Variants in MPI observed in about 807,000 individuals in gnomAD.
MPI encodes the protein mannose phosphate isomerase, also known as mannose-6-phosphate isomerase.
A neutral mutation model predicts 40.1 loss-of-function variants in MPI; 33 were observed. The observed-to-expected ratio is 0.82, with a 90% CI of 0.62 to 1.10. The LOEUF (loss-of-function observed/expected upper bound fraction) is 1.10. Among genes scored for constraint, MPI ranks in the 50% least tolerant of loss-of-function variants. The pLI, the probability that MPI is intolerant of heterozygous loss-of-function variation, is 0.00. For missense variants in MPI, 514 were observed against 524.1 expected, an observed-to-expected ratio of 0.98 and a Z score of 0.19; for synonymous variants, 187 against 207.4, an observed-to-expected ratio of 0.90 and a Z score of 0.85.
At chr15:74,891,669 C>A (rs1274563850) in intron 3 of MPI, 90 bp downstream of exon 3, 18 of 1,426,382 alleles carry the variant, frequency 1.3e-5, no homozygotes, top group Non-Finnish European at 1.5e-5. Flanking sequence ...TTTACCCCAC[C>A]CATGCCAGGC....
intron 6 of MPI, chr15:74,896,743 T>C: frequency 1.6e-6 from 1 of 614,688 alleles, no homozygotes; most frequent in South Asian, 1.9e-5. Flanking sequence ...ACATGCCTCA[T>C]GCACAGGATT....
chr15:74,890,112 G>C, intron 1 of MPI, 23 bp downstream of exon 1: 1 of 1,607,666 alleles, frequency 6.2e-7, no homozygotes. Context: ...CTGGGGTGTC[G>C]GCGAGTGTGT....
rs967660303 is a variant in MPI, at chr15:74,890,278, GC to G, written c.16+191del. The G allele has an allele frequency of 1.5e-5, 14 of 937,396 alleles. No homozygotes were observed. In the Admixed American group the frequency reaches 2.6e-4, roughly 18 times the overall value. The allele number at this position is 937,396 out of a possible 1,614,324, so 58.1% of individuals were successfully genotyped here. On this transcript the variant is annotated intron_variant, in intron 1 of 7. Transcript: ENST00000352410. ...GGGAGGGGGCCCTTCTAGACGTCGT[GC>G]CGTGGGATAGGTACCTTCTGCTCCC...
rs1174584128 is a variant in MPI, at chr15:74,894,089, TGTGTGTGTG to T, written c.670+770_670+778del. On this transcript the variant is annotated intron_variant, in intron 5 of 7. Coordinates refer to ENST00000352410, the MANE Select transcript of MPI (RefSeq NM_002435.3). ...GTGTGTGTGTGTGTGTGTGTGTGTGTGTGTGTGTGTGTGTGTGTGGTCTCTTTCTGTTGC... is the reference window on the plus strand; with the variant it reads ...GTGTGTGTGTGTGTGTGTGTGTGTGTTGTGTGTGTGGTCTCTTTCTGTTGC... 0.016 allele frequency among the ~76,000 whole-genome samples: 916 copies of T among 56,062 alleles called. 114 individuals carry two copies. The East Asian group carries it at 0.21, about 13-fold the overall frequency. The allele number at this position is 56,062 out of a possible 152,430, so 36.8% of individuals were successfully genotyped here. A position where few individuals can be genotyped will look rare whatever the true frequency, so the allele number is the denominator to read the frequency against.
chr15:74,895,246 A>G lies in MPI; in HGVS notation c.671-906A>G, dbSNP rs1299268702. On this transcript the variant is annotated intron_variant, in intron 5 of 7. Coordinates refer to ENST00000352410, the MANE Select transcript of MPI (RefSeq NM_002435.3). ...TGCCTTGGCCTCCCAAAGTCCTGAG[A>G]TGACAGGTGTGAGCCACCGCGCCCA... is the stretch of plus-strand genomic sequence containing the variant. Among the ~76,000 whole-genome samples the G allele has an allele frequency of 1.3e-5, 2 of 148,816 alleles. 1 individual carries two copies. Among genetic ancestry groups the G allele is most frequent in the Non-Finnish European group, 3.0e-5 (2 of 67,362 alleles).
chr15:74,894,034 T>TG (rs2064766207), intron 5 of MPI, among the ~76,000 whole-genome samples: 1 of 102,090 alleles, frequency 9.8e-6, no homozygotes, highest in Non-Finnish European at 2.6e-5. Flanking sequence ...TATTTTTTTC[T>TG]GTTCAGTGTG....
Position 74,897,739 on chromosome 15 carries a change from G to T in MPI, c.*9G>T. ...CCTGCTGTCTGCTGTAAAGGCTGCA[G>T]CCTCCCCAGCTCTCCTCTGCCAGCC... On this transcript the variant is annotated 3_prime_UTR_variant, in exon 8 of 8. Coordinates refer to ENST00000352410, the MANE Select transcript of MPI (RefSeq NM_002435.3). 7 of 1,612,960 alleles carry T rather than the reference G, an allele frequency of 4.3e-6. No individual in the cohort carries two copies. The highest frequency in any genetic ancestry group is 5.9e-6 in the Non-Finnish European group (7 of 1,179,678).
Position 74,901,868 on chromosome 15 carries a change from G to A in MPI, c.*4138G>A. 1 of 369,900 alleles carries A rather than the reference G, an allele frequency of 2.7e-6. No individual in the cohort carries two copies. Among genetic ancestry groups the A allele is most frequent in the Non-Finnish European group, 4.8e-6 (1 of 208,766 alleles). 22.9% of individuals were successfully genotyped at this position (369,900 alleles called of 1,614,324 possible). A position where few individuals can be genotyped will look rare whatever the true frequency, so the allele number is the denominator to read the frequency against. ...GGTGAAGAAACTCACCCAGACCAAG[G>A]AAATACAAATAAATAAATATGAACA... On this transcript the variant is annotated 3_prime_UTR_variant, in exon 8 of 8. Coordinates refer to ENST00000352410, the MANE Select transcript of MPI (RefSeq NM_002435.3).
rs1159182255 is a variant in MPI, at chr15:74,894,085, TGTGTGTGTGTGTG to T, written c.670+766_670+778del. On this transcript the variant is annotated intron_variant, in intron 5 of 7. Transcript: ENST00000352410. ...GTGTGTGTGTGTGTGTGTGTGTGTG[TGTGTGTGTGTGTG>T]TGTGTGTGTGGTCTCTTTCTGTTGC... Among the ~76,000 whole-genome samples, 137 of 63,122 alleles carry T rather than the reference TGTGTGTGTGTGTG, an allele frequency of 2.2e-3. 11 individuals are homozygous for T. The highest frequency in any genetic ancestry group is 0.014 in the East Asian group (15 of 1,076). The allele number at this position is 63,122 out of a possible 152,430, so 41.4% of individuals were successfully genotyped here. A position where few individuals can be genotyped will look rare whatever the true frequency, so the allele number is the denominator to read the frequency against.
rs200556048 is a variant in MPI at position 74,894,787 on chromosome 15, GGAAAAAAAAAAAAGAAAAAGAAA to G, written c.671-1364_671-1342del. Reference sequence around the variant, plus strand: ...GGGAGACAGAGCAAGACTCCGATTCGGAAAAAAAAAAAAGAAAAAGAAAAAGAAAAAAAATTTAAAAATTAAAG... The same window carrying G: ...GGGAGACAGAGCAAGACTCCGATTCGAAGAAAAAAAATTTAAAAATTAAAG... On this transcript the variant is annotated intron_variant, in intron 5 of 7. Coordinates refer to ENST00000352410, the MANE Select transcript of MPI (RefSeq NM_002435.3). 7.9e-3 allele frequency among the ~76,000 whole-genome samples: 1,157 copies of G among 146,870 alleles called. 12 individuals are homozygous for G. The highest frequency in any genetic ancestry group is 0.068 in the East Asian group (337 of 4,968).
In MPI at chr15:74,892,759, G is replaced by A; in HGVS notation, c.444G>A (p.Leu148=). The A allele has an allele frequency of 3.1e-6, 5 of 1,614,286 alleles. No homozygotes were observed. Among genetic ancestry groups the A allele is most frequent in the Non-Finnish European group, 4.2e-6 (5 of 1,180,054 alleles). ...TTGCCCTCACCCCCTTCCAGGGCTT[G>A]TGTGGCTTCCGGCCAGTTGAGGAGA... is the stretch of plus-strand genomic sequence containing the variant. ...MAIALTPFQG[L]CGFRPVEEIV... The change falls in exon 4 of 8, where the codon TTG becomes TTA. Residue 148 remains leucine (L), a synonymous_variant. Transcript: ENST00000352410.
At chr15:74,894,041 T>TGG (rs2064768591) in intron 5 of MPI, among the ~76,000 whole-genome samples, 2 of 4,986 alleles carry the variant, frequency 4.0e-4, no homozygotes, top group Non-Finnish European at 1.1e-3. Flanking sequence ...TTCTGTTCAG[T>TGG]GTGTGTGTGT....
Position 74,891,529 on chromosome 15 carries a change from A to C in MPI, c.295A>C (p.Lys99Gln). ...TFNGNLPFLF[K>Q]VLSVETPLSI... is the part of the protein sequence containing the mutation. The stretch of plus-strand genomic sequence containing the variant: ...TAATGGCAACCTGCCCTTCCTCTTC[A>C]AAGTGCTCTCAGTTGAAACACCCCT... The change falls in exon 3 of 8, where the codon AAA becomes CAA. Residue 99 changes from lysine (K) to glutamine (Q), a missense_variant. Lys to Gln is a moderately conservative substitution (Grantham distance 53). Transcript: ENST00000352410. 4 of 1,614,202 alleles carry C rather than the reference A, an allele frequency of 2.5e-6. No homozygotes were observed. The highest frequency in any genetic ancestry group is 3.4e-6 in the Non-Finnish European group (4 of 1,180,030).
rs937496415 is a variant in MPI, at chr15:74,901,919, G to A, written c.*4189G>A. ...TGTCAGAGCAGTTTTTCTCTAACTA[G>A]GGAAGGGCAAACCAGAATCACTAAA... On this transcript the variant is annotated 3_prime_UTR_variant, in exon 8 of 8. Transcript: ENST00000352410. The A allele has an allele frequency of 2.0e-5, 8 of 394,910 alleles. No homozygotes were observed. Among genetic ancestry groups the A allele is most frequent in the African/African-American group, 1.4e-4 (7 of 48,582 alleles). The allele number at this position is 394,910 out of a possible 1,614,324, so 24.5% of individuals were successfully genotyped here.
chr15:74,890,436 A>T, intron 1 of MPI, 91 bp from the exon 2 acceptor site: 1 of 1,561,514 alleles, frequency 6.4e-7, no homozygotes, highest in South Asian at 1.1e-5. Context: ...CTCTGTCCCC[A>T]GTGAGCACCC....
chr15:74,893,941 G>A (rs1470871732), intron 5 of MPI, among the ~76,000 whole-genome samples: 3 of 142,780 alleles, frequency 2.1e-5, no homozygotes, highest in African/African-American at 3.0e-5. Context: ...TTCTCTAGGT[G>A]GCCCAGAGCT....
rs2064887352 is a variant in MPI, at chr15:74,900,052, CTA to C, written c.*2325_*2326del. ...GCTGTAGAAGTGCAAGCCAAGAGTT[CTA>C]TAGAGTAGTACATAAACACCATATG... is the stretch of plus-strand genomic sequence containing the variant. On this transcript the variant is annotated 3_prime_UTR_variant, in exon 8 of 8. Coordinates refer to ENST00000352410, the MANE Select transcript of MPI (RefSeq NM_002435.3). 6.6e-6 allele frequency: 1 copy of C among 152,206 alleles called. No homozygotes were observed. Among genetic ancestry groups the C allele is most frequent in the South Asian group, 2.1e-4 (1 of 4,834 alleles). The allele number at this position is 152,206 out of a possible 1,614,324, so 9.4% of individuals were successfully genotyped here. A position where few individuals can be genotyped will look rare whatever the true frequency, so the allele number is the denominator to read the frequency against.
Position 74,896,690 on chromosome 15 carries a change from C to T in MPI, c.845-321C>T, listed in dbSNP as rs2064823286. On this transcript the variant is annotated intron_variant, in intron 6 of 7. Coordinates refer to ENST00000352410, the MANE Select transcript of MPI (RefSeq NM_002435.3). ...TTTTTACACTAAAATATGCATGTTGCCATGGAAGGATGCCACCTTTCGACT... is the reference window on the plus strand; with the variant it reads ...TTTTTACACTAAAATATGCATGTTGTCATGGAAGGATGCCACCTTTCGACT... The T allele has an allele frequency of 1.3e-5, 8 of 608,646 alleles. No homozygotes were observed. The South Asian group carries it at 1.6e-4, about 12-fold the overall frequency. The allele number at this position is 608,646 out of a possible 1,614,324, so 37.7% of individuals were successfully genotyped here. A position where few individuals can be genotyped will look rare whatever the true frequency, so the allele number is the denominator to read the frequency against.
chr15:74,890,358 C>T, intron 1 of MPI, 169 bp from the exon 2 acceptor site: 1 of 931,940 alleles, frequency 1.1e-6, no homozygotes, highest in Non-Finnish European at 1.7e-6. Context: ...GCCCATCTGA[C>T]AGTTGGGAAC....
Sources: gnomAD v4.1 joint callset for allele counts (sites outside exome capture counted in the v4.1 genomes callset) on GRCh38, gnomAD v4.1.1 for gene constraint, MANE v1.5 for transcripts, NCBI Gene and HGNC (gene_info 2026-07-23, HGNC 2026-07-21) for gene names.